The following TENM3 variants were observed in gnomAD, a reference collection of about 807,000 sequenced individuals.
TENM3 encodes teneurin-3.
A neutral mutation model predicts 255.1 loss-of-function variants in TENM3; 63 were observed. The observed-to-expected ratio is 0.25, with a 90% CI of 0.20 to 0.30. The LOEUF (loss-of-function observed/expected upper bound fraction) is 0.30. Ranked by LOEUF, TENM3 falls within the 10% of genes least tolerant of loss-of-function variation. The probability of loss-of-function intolerance (pLI) is 1.00; values close to 1 mark genes in which losing one functional copy is unlikely to be tolerated. For missense variants in TENM3, 2,929 were observed against 3,461.1 expected, an observed-to-expected ratio of 0.85 and a Z score of 3.86; for synonymous variants, 1,306 against 1,322.3, an observed-to-expected ratio of 0.99 and a Z score of 0.27.
the TENM3 span, among the ~76,000 whole-genome samples, chr4:182,138,761 GA>G: frequency 6.6e-6 from 1 of 152,142 alleles, no homozygotes; most frequent in South Asian, 2.1e-4. Context: ...ATATCCTACT[GA>G]AAAAGAGAAA....
the TENM3 span, among the ~76,000 whole-genome samples, chr4:181,494,764 C>T: frequency 2.0e-5 from 3 of 152,170 alleles, no homozygotes; most frequent in Non-Finnish European, 4.4e-5. Flanking sequence ...CACTCATTTT[C>T]TTCCAAAGTG....
chr4:181,952,709 C>T, the TENM3 span, among the ~76,000 whole-genome samples: 1 of 152,228 alleles, frequency 6.6e-6, no homozygotes, highest in Non-Finnish European at 1.5e-5. Flanking sequence ...GTGAGATCAA[C>T]ATACAAGTCT....
intron 16 of TENM3, among the ~76,000 whole-genome samples, chr4:182,735,114 A>G (rs1386159917): frequency 6.6e-6 from 1 of 152,194 alleles, no homozygotes. Context: ...CAGTCTTACA[A>G]AAGTACCCTC....
At chr4:181,838,184 C>T in the TENM3 span, among the ~76,000 whole-genome samples, 13 of 151,834 alleles carry the variant, frequency 8.6e-5, no homozygotes, top group South Asian at 1.3e-3. Context: ...AGAAAGAAAA[C>T]CTTAGAAGCC....
chr4:182,587,097 AT>A (rs11348284), intron 3 of TENM3, among the ~76,000 whole-genome samples: 50,455 of 151,526 alleles, frequency 0.33, 9,701 homozygotes, highest in East Asian at 0.48. Flanking sequence ...TTCTTTTAAA[AT>A]TTTTTTTTAA....
At chr4:181,888,566 A>ATG in the TENM3 span, among the ~76,000 whole-genome samples, 20 of 90,876 alleles carry the variant, frequency 2.2e-4, no homozygotes, top group Non-Finnish European at 1.7e-4. Context: ...ATATACATAT[A>ATG]TGTATATATA....
chr4:181,644,202 T>C, the TENM3 span, among the ~76,000 whole-genome samples: 3 of 151,998 alleles, frequency 2.0e-5, no homozygotes, highest in Admixed American at 6.6e-5. Context: ...ATTTCCTACA[T>C]TTCCAAGCAA....
At chr4:181,480,351 T>G in the TENM3 span, among the ~76,000 whole-genome samples, 2 of 152,102 alleles carry the variant, frequency 1.3e-5, no homozygotes, top group African/African-American at 4.8e-5. Context: ...TGGGAAAATG[T>G]GTTGTAAAAA....
At chr4:182,039,410 AGTT>A in the TENM3 span, among the ~76,000 whole-genome samples, 1 of 152,114 alleles carries the variant, frequency 6.6e-6, no homozygotes, top group Non-Finnish European at 1.5e-5. Flanking sequence ...CATCTCTAGC[AGTT>A]GTTTGCTGTG....
the TENM3 span, among the ~76,000 whole-genome samples, chr4:181,588,030 G>A: frequency 6.6e-6 from 1 of 152,204 alleles, no homozygotes; most frequent in East Asian, 1.9e-4. Context: ...GAAGTGAGCC[G>A]CCATCTGCAC....
the TENM3 span, among the ~76,000 whole-genome samples, chr4:182,133,928 T>C: frequency 1.3e-5 from 2 of 152,212 alleles, no homozygotes; most frequent in African/African-American, 4.8e-5. Context: ...GAAGACTTGT[T>C]TAACATGCTA....
the TENM3 span, among the ~76,000 whole-genome samples, chr4:181,605,584 G>GATAGAAAGAAAGAAAGAAAGAAA: frequency 7.2e-5 from 5 of 69,142 alleles, 2 homozygotes; most frequent in Non-Finnish European, 1.5e-4. Flanking sequence ...GAGAAAGAAA[G>GATAGAAAGAAAGAAAGAAAGAAA]GAAAGAAAGA....
the TENM3 span, among the ~76,000 whole-genome samples, chr4:181,448,154 ATTTTTTTTTTTTTTT>A: frequency 2.2e-5 from 2 of 90,066 alleles, no homozygotes; most frequent in East Asian, 6.0e-4. Flanking sequence ...AAATCCAGTA[ATTTTTTTTTTTTTTT>A]TTTTTTTTTT....
chr4:182,280,680 C>A (rs916550432), intron 1 of TENM3, among the ~76,000 whole-genome samples: 1 of 152,196 alleles, frequency 6.6e-6, no homozygotes, highest in Non-Finnish European at 1.5e-5. Context: ...CCCATCCAGA[C>A]AGACACCTCT....
chr4:182,501,367 T>G (rs1736299101), intron 3 of TENM3, among the ~76,000 whole-genome samples: 1 of 69,204 alleles, frequency 1.4e-5, no homozygotes, highest in African/African-American at 3.5e-5. Context: ...AAGCTATGTC[T>G]AAAAGTGGGG....
At chr4:182,327,186 T>C (rs562973463) in intron 2 of TENM3, among the ~76,000 whole-genome samples, 11 of 152,364 alleles carry the variant, frequency 7.2e-5, no homozygotes, top group Middle Eastern at 3.4e-3. Flanking sequence ...GGATTAATTA[T>C]TTAATTGAGA....
At chr4:182,069,035 A>G in the TENM3 span, among the ~76,000 whole-genome samples, 14 of 152,180 alleles carry the variant, frequency 9.2e-5, no homozygotes, top group African/African-American at 3.4e-4. Context: ...ATGAAATAAA[A>G]CACAATATTA....
chr4:182,561,239 G>A (rs1433267228), intron 3 of TENM3, among the ~76,000 whole-genome samples: 1 of 151,644 alleles, frequency 6.6e-6, no homozygotes, highest in Non-Finnish European at 1.5e-5. Context: ...ATTAAAAATT[G>A]TATTTATGAA....
At chr4:181,743,176 C>A in the TENM3 span, among the ~76,000 whole-genome samples, 7 of 152,064 alleles carry the variant, frequency 4.6e-5, no homozygotes, top group Admixed American at 1.3e-4. Context: ...ATTTATAGTC[C>A]TTTGGGTATA....
Sources: gnomAD v4.1 joint callset for allele counts (sites outside exome capture counted in the v4.1 genomes callset) on GRCh38, gnomAD v4.1.1 for gene constraint, MANE v1.5 for transcripts, NCBI Gene and HGNC (gene_info 2026-07-23, HGNC 2026-07-21) for gene names.